NUP62CL: variants seen among roughly 807,000 people sequenced by gnomAD.
NUP62CL encodes nucleoporin 62 C-terminal like, also known as nucleoporin-62 C-terminal-like protein.
A neutral mutation model predicts 15.3 loss-of-function variants in NUP62CL; 13 were observed. That is an observed-to-expected ratio of 0.85 (90% CI 0.55 to 1.35). The LOEUF (loss-of-function observed/expected upper bound fraction) is 1.35, where lower values mean the gene tolerates loss of function less well. Ranked by LOEUF, NUP62CL falls within the 40% of genes most tolerant of loss-of-function variation. NUP62CL has a pLI of 0.00. For synonymous variants in NUP62CL, 54 were observed against 49.2 expected, an observed-to-expected ratio of 1.10 and a Z score of -0.41; for missense variants, 123 against 130.6, an observed-to-expected ratio of 0.94 and a Z score of 0.28.
intron 8 of NUP62CL, among the ~76,000 whole-genome samples, chrX:107,145,590 CAT>C (rs1280865496): frequency 1.8e-5 from 2 of 111,334 alleles, no homozygotes; most frequent in Non-Finnish European, 3.8e-5. Context: ...CTCTAAATAA[CAT>C]AGCCTGAATC....
At chrX:107,170,896 T>C (rs1028038564) in intron 3 of NUP62CL, among the ~76,000 whole-genome samples, 3 of 112,232 alleles carry the variant, frequency 2.7e-5, no homozygotes, top group Non-Finnish European at 5.6e-5. Flanking sequence ...ATACAGTCAA[T>C]CCTACAATAT....
At chrX:107,167,608 T>G in intron 4 of NUP62CL, 41 bp downstream of exon 4, 4 of 995,257 alleles carry the variant, frequency 4.0e-6, no homozygotes, top group Non-Finnish European at 5.6e-6. Flanking sequence ...ACATGATAAA[T>G]AAAATGAAAC....
chrX:107,202,645 T>C (rs933674602), intron 1 of NUP62CL: 1 of 104,764 alleles, frequency 9.5e-6, no homozygotes, highest in African/African-American at 3.5e-5. Flanking sequence ...GAATTCTTTG[T>C]TCCTTCTCCA....
chrX:107,162,752 C>G (rs1926418450), intron 4 of NUP62CL, among the ~76,000 whole-genome samples: 1 of 111,900 alleles, frequency 8.9e-6, no homozygotes, highest in Admixed American at 9.4e-5. Flanking sequence ...TCATATAAAG[C>G]AGCGATCCCC....
intron 1 of NUP62CL, among the ~76,000 whole-genome samples, chrX:107,200,542 C>T (rs1442628209): frequency 2.2e-4 from 24 of 108,205 alleles, no homozygotes; most frequent in African/African-American, 8.1e-4. Context: ...TCGCTTGAAC[C>T]TGGGAGGTGG....
Position 107,124,299 on chromosome X carries a change from C to T in NUP62CL, c.*76G>A, listed in dbSNP as rs1457715440. 1 of 341,411 alleles carries T rather than the reference C, an allele frequency of 2.9e-6. No individual in the cohort carries two copies. Among genetic ancestry groups the T allele is most frequent in the South Asian group, 2.6e-5 (1 of 38,153 alleles). The allele number at this position is 341,411 out of a possible 1,213,427, so 28.1% of individuals were successfully genotyped here. On this transcript the variant is annotated 3_prime_UTR_variant, in exon 9 of 9. Coordinates refer to ENST00000372466, the MANE Select transcript of NUP62CL (RefSeq NM_017681.3). ...CTCGTGACGATAATCCTCGAAAACCCGTGTTACCACTTCTACCTTCCTTCG... is the reference window on the plus strand; with the variant it reads ...CTCGTGACGATAATCCTCGAAAACCTGTGTTACCACTTCTACCTTCCTTCG...
chrX:107,129,864 A>C (rs1925471887), intron 8 of NUP62CL, among the ~76,000 whole-genome samples: 2 of 112,079 alleles, frequency 1.8e-5, no homozygotes, highest in Admixed American at 1.9e-4. Context: ...TAATATCCTC[A>C]AAGAGATAAT....
chrX:107,160,854 A>T (rs1926347241), intron 4 of NUP62CL, among the ~76,000 whole-genome samples: 3 of 110,021 alleles, frequency 2.7e-5, no homozygotes, highest in Admixed American at 9.7e-5. Flanking sequence ...AACCTACAAC[A>T]TGGGAGAAAA....
At chrX:107,196,531 T>A (rs1332082107) in intron 1 of NUP62CL, among the ~76,000 whole-genome samples, 1 of 112,356 alleles carries the variant, frequency 8.9e-6, no homozygotes, top group Non-Finnish European at 1.9e-5. Context: ...AACCTCCGCC[T>A]CCCAGGTTCA....
chrX:107,137,064 C>T (rs951642075), intron 8 of NUP62CL, among the ~76,000 whole-genome samples: 4 of 111,732 alleles, frequency 3.6e-5, no homozygotes, highest in African/African-American at 1.3e-4. Flanking sequence ...AACTCTGTCT[C>T]AAAACATAAA....
At chrX:107,155,425 G>A (rs5962793) in intron 4 of NUP62CL, among the ~76,000 whole-genome samples, 26,644 of 111,631 alleles carry the variant, frequency 0.24, 2,587 homozygotes, top group East Asian at 0.48. Flanking sequence ...TGATCTGGGG[G>A]CTCCAGGGCC....
chrX:107,146,453 C>T (rs1322830206), intron 8 of NUP62CL, among the ~76,000 whole-genome samples: 1 of 111,924 alleles, frequency 8.9e-6, no homozygotes, highest in Non-Finnish European at 1.9e-5. Flanking sequence ...GGTACATTTT[C>T]TGCTAGCATA....
chrX:107,145,470 C>A (rs185814474), intron 8 of NUP62CL, among the ~76,000 whole-genome samples: 32 of 111,179 alleles, frequency 2.9e-4, no homozygotes, highest in Non-Finnish European at 2.3e-4. Context: ...AAAAACCACA[C>A]ACTTGTATGC....
At chrX:107,136,781 C>A (rs1166681214) in intron 8 of NUP62CL, among the ~76,000 whole-genome samples, 1 of 112,356 alleles carries the variant, frequency 8.9e-6, no homozygotes, top group Non-Finnish European at 1.9e-5. Flanking sequence ...AATATATCAA[C>A]GTAGGCTGGG....
At chrX:107,195,330 C>T (rs1310960584) in intron 1 of NUP62CL, among the ~76,000 whole-genome samples, 2 of 111,716 alleles carry the variant, frequency 1.8e-5, no homozygotes, top group African/African-American at 6.5e-5. Flanking sequence ...TTCCCCACAA[C>T]CACTATTTTC....
intron 8 of NUP62CL, among the ~76,000 whole-genome samples, chrX:107,126,213 C>G (rs924019844): frequency 8.9e-6 from 1 of 112,034 alleles, no homozygotes; most frequent in Admixed American, 9.4e-5. Context: ...AACAAAAAAA[C>G]ATTGCTAAGA....
At chrX:107,152,091 T>G (rs1305683705) in intron 7 of NUP62CL, among the ~76,000 whole-genome samples, 2 of 71,892 alleles carry the variant, frequency 2.8e-5, no homozygotes, top group African/African-American at 1.3e-4. Context: ...TATATATATA[T>G]ATATTCAGAT....
At chrX:107,141,599 TAAAG>T in intron 8 of NUP62CL, among the ~76,000 whole-genome samples, 1 of 110,914 alleles carries the variant, frequency 9.0e-6, no homozygotes, top group East Asian at 2.8e-4. Flanking sequence ...CCCAAAGAAT[TAAAG>T]AAAAAGAGGA....
intron 2 of NUP62CL, among the ~76,000 whole-genome samples, chrX:107,190,853 G>A (rs1475868045): frequency 9.1e-6 from 1 of 109,680 alleles, no homozygotes; most frequent in Non-Finnish European, 1.9e-5. Context: ...AGTCTGAGGT[G>A]TGCCTCCACC....
Sources: allele counts gnomAD v4.1 joint callset (sites outside exome capture counted in the v4.1 genomes callset), GRCh38; gene constraint gnomAD v4.1.1; transcripts MANE v1.5; gene names NCBI Gene and HGNC (gene_info 2026-07-23, HGNC 2026-07-21).